DPYD: variants seen among roughly 807,000 people sequenced by gnomAD.
DPYD encodes the protein dihydropyrimidine dehydrogenase.
In DPYD, 109 loss-of-function variants were observed where a neutral mutation model predicts 116.2. The observed-to-expected ratio is 0.94, with a 90% CI of 0.80 to 1.10. The LOEUF is 1.10. DPYD is among the 50% of genes least tolerant of loss of function. The pLI is 0.00. For missense variants in DPYD, 1,302 were observed against 1,254.5 expected (o/e 1.04, Z -0.57); for synonymous variants, 440 against 432.0 (o/e 1.02, Z -0.23).
intron 14 of DPYD, among the ~76,000 whole-genome samples, chr1:97,441,064 T>C (rs1398626799): frequency 1.3e-5 from 2 of 152,186 alleles, no homozygotes; most frequent in African/African-American, 4.8e-5. Context: ...CTGTTACATG[T>C]GTTTTTCTGT....
At position 97,420,628 on chromosome 1, in the gene DPYD, C is replaced by T. The variant is rs375391786; in HGVS notation, c.1905+29431G>A. 5.3e-5 allele frequency among the ~76,000 whole-genome samples: 8 copies of T among 152,204 alleles called. No individual in the cohort carries two copies. In the East Asian group the frequency reaches 1.6e-3, roughly 30 times the overall value. On this transcript the variant is annotated intron_variant, in intron 14 of 22. Transcript: ENST00000370192. ...GCATAAACGGCCTTTCGTAACTGGG[C>T]TCCTGCGGTCTAGGGATCTCTTTCC...
chr1:97,564,374 C>T (rs982938173), intron 11 of DPYD, among the ~76,000 whole-genome samples: 4 of 152,104 alleles, frequency 2.6e-5, no homozygotes, highest in African/African-American at 9.7e-5. Context: ...AGAATCAATG[C>T]CACATATACT....
intron 13 of DPYD, among the ~76,000 whole-genome samples, chr1:97,508,229 G>C (rs535850167): frequency 2.1e-4 from 32 of 152,110 alleles, no homozygotes; most frequent in Admixed American, 4.6e-4. Flanking sequence ...CCTGGGTTTT[G>C]AATGGTTAAC....
At chr1:97,289,144 C>A (rs1354549822) in intron 18 of DPYD, among the ~76,000 whole-genome samples, 1 of 152,092 alleles carries the variant, frequency 6.6e-6, no homozygotes, top group Non-Finnish European at 1.5e-5. Flanking sequence ...CAAGAAGAAG[C>A]TGAATCTCTG....
At chr1:97,611,305 C>T (rs1385826548) in intron 8 of DPYD, among the ~76,000 whole-genome samples, 1 of 151,964 alleles carries the variant, frequency 6.6e-6, no homozygotes, top group African/African-American at 2.4e-5. Context: ...GACCTGCCCC[C>T]ATGATTCAAT....
chr1:97,800,200 A>G lies in DPYD; in HGVS notation c.233+27914T>C, dbSNP rs551365275. ...AGTAAATATATGTAAAATATTTAGAAAAGTTGTTTGCACATAGTAGGTGAG... is the reference window on the plus strand; with the variant it reads ...AGTAAATATATGTAAAATATTTAGAGAAGTTGTTTGCACATAGTAGGTGAG... On this transcript the variant is annotated intron_variant, in intron 3 of 22. Transcript: ENST00000370192. 2.6e-5 allele frequency among the ~76,000 whole-genome samples: 4 copies of G among 152,080 alleles called. No individual in the cohort carries two copies. In the South Asian group the frequency reaches 8.3e-4, roughly 32 times the overall value.
Position 97,737,307 on chromosome 1 carries a change from T to A in DPYD, c.321+3085A>T, listed in dbSNP as rs370622615. Among the ~76,000 whole-genome samples the A allele has an allele frequency of 4.6e-5, 7 of 152,274 alleles. No homozygotes were observed. The South Asian group carries it at 1.5e-3, about 32-fold the overall frequency. ...AATAAAGATGAAGGAAATGACCTCCTGTACCAAGGGAAACCTGAAATCTTA... is the reference window on the plus strand; with the variant it reads ...AATAAAGATGAAGGAAATGACCTCCAGTACCAAGGGAAACCTGAAATCTTA... On this transcript the variant is annotated intron_variant, in intron 4 of 22. Coordinates refer to ENST00000370192, the MANE Select transcript of DPYD (RefSeq NM_000110.4).
chr1:97,273,330 T>C (rs1159526972), intron 18 of DPYD, among the ~76,000 whole-genome samples: 1 of 152,112 alleles, frequency 6.6e-6, no homozygotes, highest in Non-Finnish European at 1.5e-5. Flanking sequence ...CCTAAAATCT[T>C]TGCAAAAAAG....
intron 2 of DPYD, among the ~76,000 whole-genome samples, chr1:97,828,930 A>G (rs1028426753): frequency 4.6e-5 from 7 of 152,030 alleles, no homozygotes; most frequent in Non-Finnish European, 1.0e-4. Context: ...GAATTTTCTA[A>G]AAGTACTTTA....
intron 4 of DPYD, among the ~76,000 whole-genome samples, chr1:97,732,099 T>G (rs960617900): frequency 4.6e-5 from 7 of 152,196 alleles, no homozygotes; most frequent in African/African-American, 1.7e-4. Context: ...GACTAACATT[T>G]GCTTTGAGCT....
chr1:97,885,786 T>C (rs909613698), intron 1 of DPYD, among the ~76,000 whole-genome samples: 28 of 152,086 alleles, frequency 1.8e-4, no homozygotes, highest in African/African-American at 6.8e-4. Flanking sequence ...GGGACTTATA[T>C]TGAACCTGAT....
At chr1:97,368,870 G>A (rs1372383313) in intron 16 of DPYD, among the ~76,000 whole-genome samples, 2 of 152,186 alleles carry the variant, frequency 1.3e-5, no homozygotes, top group African/African-American at 4.8e-5. Context: ...ATTGTTGCAT[G>A]ACAATGCAGG....
At chr1:97,307,388 C>T (rs1164442588) in intron 16 of DPYD, among the ~76,000 whole-genome samples, 2 of 151,652 alleles carry the variant, frequency 1.3e-5, no homozygotes, top group African/African-American at 4.8e-5. Context: ...AAGAAAGTTG[C>T]TCTTTGCATT....
chr1:97,765,473 T>G lies in DPYD; in HGVS notation c.234-24994A>C, dbSNP rs547614961. Among the ~76,000 whole-genome samples, 6 of 152,262 alleles carry G rather than the reference T, an allele frequency of 3.9e-5. No homozygotes were observed. In the East Asian group the frequency reaches 1.2e-3, roughly 29 times the overall value. On this transcript the variant is annotated intron_variant, in intron 3 of 22. Transcript: ENST00000370192. The stretch of plus-strand genomic sequence containing the variant: ...CTATGTAAGACAGCAGCTAGGACAG[T>G]CAACACAGAGAATCTACCCCAGGAA...
chr1:97,841,494 T>C (rs940186076), intron 2 of DPYD, among the ~76,000 whole-genome samples: 2 of 152,046 alleles, frequency 1.3e-5, no homozygotes, highest in Non-Finnish European at 2.9e-5. Flanking sequence ...CTAGTGATTA[T>C]GTTGATGTAT....
intron 10 of DPYD, among the ~76,000 whole-genome samples, chr1:97,584,228 G>A (rs954425762): frequency 2.0e-5 from 3 of 152,060 alleles, no homozygotes; most frequent in African/African-American, 7.2e-5. Flanking sequence ...AGAAGTGTCT[G>A]TTCATATCCT....
At chr1:97,540,184 GC>G (rs1247173244) in intron 12 of DPYD, among the ~76,000 whole-genome samples, 5 of 151,782 alleles carry the variant, frequency 3.3e-5, no homozygotes, top group Non-Finnish European at 5.9e-5. Context: ...CCCCAAAACT[GC>G]CCCCTACCAC....
At chr1:97,527,313 G>A (rs1212853221) in intron 12 of DPYD, among the ~76,000 whole-genome samples, 4 of 151,942 alleles carry the variant, frequency 2.6e-5, no homozygotes, top group East Asian at 1.9e-4. Flanking sequence ...TCCTGACCTC[G>A]TGATCTGCCT....
At chr1:97,382,960 T>C (rs542774877) in intron 14 of DPYD, among the ~76,000 whole-genome samples, 6 of 152,294 alleles carry the variant, frequency 3.9e-5, no homozygotes, top group Non-Finnish European at 7.3e-5. Flanking sequence ...ATATTCATAG[T>C]GCATTATAGT....
Sources: allele counts gnomAD v4.1 joint callset (sites outside exome capture counted in the v4.1 genomes callset), GRCh38; gene constraint gnomAD v4.1.1; transcripts MANE v1.5; gene names NCBI Gene and HGNC (gene_info 2026-07-23, HGNC 2026-07-21).